The following SEC61A2 variants were observed in gnomAD, a reference collection of about 807,000 sequenced individuals.
The protein encoded by SEC61A2 is protein transport protein Sec61 subunit alpha isoform 2.
Under a neutral mutation model 59.9 loss-of-function variants are expected in SEC61A2, and 28 were observed. The ratio of observed to expected loss-of-function variants is 0.47; its 90% CI spans 0.35 to 0.64. The LOEUF is 0.64. SEC61A2 is among the 30% of genes least tolerant of loss of function. SEC61A2 has a pLI of 0.01. For synonymous variants in SEC61A2, 202 were observed against 214.4 expected, an observed-to-expected ratio of 0.94 and a Z score of 0.50; for missense variants, 340 against 585.9, an observed-to-expected ratio of 0.58 and a Z score of 4.33.
At chr10:12,133,164 G>A (rs1833801824) in intron 1 of SEC61A2, 77 bp from the exon 2 acceptor site, 1 of 722,440 alleles carries the variant, frequency 1.4e-6, no homozygotes, top group African/African-American at 1.8e-5. Flanking sequence ...GAGAATCTTT[G>A]TATTTGATTT....
chr10:12,145,026 G>T lies in SEC61A2; in HGVS notation c.220+1831G>T, dbSNP rs1444238019. Among the ~76,000 whole-genome samples the T allele has an allele frequency of 2.0e-5, 3 of 151,982 alleles. No homozygotes were observed. The highest frequency in any genetic ancestry group is 4.4e-5 in the Non-Finnish European group (3 of 67,980). ...ATCACGCCACTGCACTCTAGCCGGG[G>T]CGACACAACCAGACCCTGTCTCAAA... is the stretch of plus-strand genomic sequence containing the variant. On this transcript the variant is annotated intron_variant, in intron 4 of 11. Coordinates refer to ENST00000298428, the MANE Select transcript of SEC61A2 (RefSeq NM_018144.4). This position sits in a 1 kb window ranked among gnomAD's most constrained non-coding sequence, Gnocchi z 4.4.
chr10:12,144,343 A>G (rs1834090775), intron 4 of SEC61A2, among the ~76,000 whole-genome samples: 1 of 152,206 alleles, frequency 6.6e-6, no homozygotes, highest in South Asian at 2.1e-4. Context: ...ATATATCTAT[A>G]TACTTCTTAT....
rs1168097061 is a variant in SEC61A2 at position 12,164,704 on chromosome 10, T to C, written c.*250T>C. The C allele has an allele frequency of 3.2e-6, 4 of 1,269,154 alleles. No individual in the cohort carries two copies. In the East Asian group the frequency reaches 1.6e-4, roughly 52 times the overall value. The allele number at this position is 1,269,154 out of a possible 1,614,324, so 78.6% of individuals were successfully genotyped here. On this transcript the variant is annotated 3_prime_UTR_variant, in exon 12 of 12. Coordinates refer to ENST00000298428, the MANE Select transcript of SEC61A2 (RefSeq NM_018144.4). This position sits in a 1 kb window ranked among gnomAD's most constrained non-coding sequence, Gnocchi z 7.3. ...TGTTGCCTGTAATGCTGGAAACCAG[T>C]GTATCTACCTTGCTGTGTTAAATCA...
intron 1 of SEC61A2, among the ~76,000 whole-genome samples, chr10:12,132,569 G>A (rs571755275): frequency 6.6e-5 from 10 of 150,762 alleles, no homozygotes; most frequent in Non-Finnish European, 1.2e-4. Flanking sequence ...AGCCGAGATC[G>A]TGCCGCTGAA....
intron 4 of SEC61A2, among the ~76,000 whole-genome samples, chr10:12,144,748 G>A (rs1834100710): frequency 6.6e-6 from 1 of 152,124 alleles, no homozygotes; most frequent in African/African-American, 2.4e-5. Context: ...TGCTTGGTGT[G>A]TTCAAAGATC....
chr10:12,141,243 G>T (rs1402997507), intron 3 of SEC61A2, among the ~76,000 whole-genome samples: 2 of 152,148 alleles, frequency 1.3e-5, no homozygotes, highest in African/African-American at 2.4e-5. Context: ...GCTGCCAGGT[G>T]CACATAAAAT....
rs1192504110 is a variant in SEC61A2 at position 12,153,683 on chromosome 10, GA to G, written c.463-2094del. 6.9e-6 allele frequency: 11 copies of G among 1,584,388 alleles called. No individual in the cohort carries two copies. The Admixed American group carries it at 1.5e-4, about 21-fold the overall frequency. On this transcript the variant is annotated intron_variant, in intron 6 of 11. Coordinates refer to ENST00000298428, the MANE Select transcript of SEC61A2 (RefSeq NM_018144.4). This position sits in a 1 kb window ranked among gnomAD's most constrained non-coding sequence, Gnocchi z 5.2. ...AATTCTTCTAATGTTAATATATAAA[GA>G]GGGGTGTCATGTTTGATTGTAGGTG... is the stretch of plus-strand genomic sequence containing the variant.
intron 2 of SEC61A2, among the ~76,000 whole-genome samples, chr10:12,133,840 A>G (rs1245820277): frequency 6.6e-6 from 1 of 152,248 alleles, no homozygotes; most frequent in African/African-American, 2.4e-5. Flanking sequence ...CATCATTGCA[A>G]ACTTTCAGAG....
chr10:12,160,674 G>T lies in SEC61A2; in HGVS notation c.976-256G>T, dbSNP rs1214970011. On this transcript the variant is annotated intron_variant, in intron 9 of 11. Coordinates refer to ENST00000298428, the MANE Select transcript of SEC61A2 (RefSeq NM_018144.4). This position sits in a 1 kb window ranked among gnomAD's most constrained non-coding sequence, Gnocchi z 4.1. ...CATATTCCTATTTTCAGTAATGGAAGATTTTGTAATATATTACAATTTTTA... is the reference window on the plus strand; with the variant it reads ...CATATTCCTATTTTCAGTAATGGAATATTTTGTAATATATTACAATTTTTA... Among the ~76,000 whole-genome samples the T allele has an allele frequency of 6.6e-6, 1 of 151,172 alleles. No individual in the cohort carries two copies. Among genetic ancestry groups the T allele is most frequent in the Admixed American group, 6.6e-5 (1 of 15,126 alleles).
rs943960624 is a variant in SEC61A2, at chr10:12,143,563, C to T, written c.220+368C>T. On this transcript the variant is annotated intron_variant, in intron 4 of 11. Transcript: ENST00000298428. This position sits in a 1 kb window ranked among gnomAD's most constrained non-coding sequence, Gnocchi z 4.8. Reference sequence around the variant, plus strand: ...CAGCCTGGCCAACATGGTGAAACCCCGTCTCTACTAAAAATAGAAAAATTA... The same window carrying T: ...CAGCCTGGCCAACATGGTGAAACCCTGTCTCTACTAAAAATAGAAAAATTA... Among the ~76,000 whole-genome samples the T allele has an allele frequency of 4.6e-5, 7 of 151,994 alleles. No homozygotes were observed. Among genetic ancestry groups the T allele is most frequent in the African/African-American group, 7.3e-5 (3 of 41,378 alleles).
intron 8 of SEC61A2, 162 bp downstream of exon 8, chr10:12,157,229 A>G: frequency 1.5e-6 from 1 of 670,736 alleles, no homozygotes; most frequent in East Asian, 2.8e-5. Flanking sequence ...TAAGGTGTGA[A>G]ATATTGGAGT....
intron 3 of SEC61A2, among the ~76,000 whole-genome samples, chr10:12,137,027 A>G (rs1833905627): frequency 6.6e-6 from 1 of 152,076 alleles, no homozygotes; most frequent in Non-Finnish European, 1.5e-5. Context: ...CAGCCTCCCA[A>G]ATTGCTGGGA....
chr10:12,141,138 G>A (rs1329986545), intron 3 of SEC61A2, among the ~76,000 whole-genome samples: 2 of 152,290 alleles, frequency 1.3e-5, no homozygotes, highest in Admixed American at 6.5e-5. Flanking sequence ...AGCCTCAAGT[G>A]ATGTGCCCAC....
chr10:12,154,799 GCA>G lies in SEC61A2; in HGVS notation c.463-978_463-977del, dbSNP rs1323691197. ...TGTGGTTACTTTGGTCGCTCTTCCA[GCA>G]GGTGATATTGGATAAAGTGAGTACA... On this transcript the variant is annotated intron_variant, in intron 6 of 11. Transcript: ENST00000298428. The surrounding 1 kb of genome is among the most constrained non-coding windows in gnomAD (Gnocchi z 5.2). 5.9e-5 allele frequency among the ~76,000 whole-genome samples: 9 copies of G among 152,162 alleles called. No individual in the cohort carries two copies. Among genetic ancestry groups the G allele is most frequent in the Non-Finnish European group, 1.0e-4 (7 of 68,028 alleles).
In SEC61A2 at chr10:12,151,351, C is replaced by T. The variant is rs186649109; in HGVS notation, c.462+1390C>T. On this transcript the variant is annotated intron_variant, in intron 6 of 11. Coordinates refer to ENST00000298428, the MANE Select transcript of SEC61A2 (RefSeq NM_018144.4). ...TTTTTGAGACACAGTCTTGCTGTGT[C>T]GCCAGGCTGAAGTGCAGTGGCACGA... is the stretch of plus-strand genomic sequence containing the variant. 1.4e-3 allele frequency among the ~76,000 whole-genome samples: 203 copies of T among 144,992 alleles called. 9 individuals are homozygous for T. Among genetic ancestry groups the T allele is most frequent in the African/African-American group, 4.4e-3 (168 of 37,982 alleles).
chr10:12,156,317 G>A lies in SEC61A2; in HGVS notation c.616+386G>A, dbSNP rs1834395121. On this transcript the variant is annotated intron_variant, in intron 7 of 11. Coordinates refer to ENST00000298428, the MANE Select transcript of SEC61A2 (RefSeq NM_018144.4). This position sits in a 1 kb window ranked among gnomAD's most constrained non-coding sequence, Gnocchi z 5.2. ...CTGTTGTTCATTGAATCCACCTGGA[G>A]CACTCCTACTCTGCTGCTCTTCTAA... is the stretch of plus-strand genomic sequence containing the variant. Among the ~76,000 whole-genome samples the A allele has an allele frequency of 6.6e-6, 1 of 152,184 alleles. No homozygotes were observed. Among genetic ancestry groups the A allele is most frequent in the Non-Finnish European group, 1.5e-5 (1 of 68,034 alleles).
At chr10:12,139,495 C>T (rs1219758500) in intron 3 of SEC61A2, among the ~76,000 whole-genome samples, 1 of 151,432 alleles carries the variant, frequency 6.6e-6, no homozygotes, top group Non-Finnish European at 1.5e-5. Flanking sequence ...ACTAAAAGTA[C>T]AAAATTGAGC....
In SEC61A2 at chr10:12,160,969, G is replaced by C. The variant is rs558645074; in HGVS notation, c.1015G>C (p.Gly339Arg). ...AGGACCCGCACGTTCTTACCCAGTT[G>C]GAGGCCTTTGTTACTATCTTTCTCC... Reference protein sequence around the residue: ...GGGPARSYPVGGLCYYLSPPE... With the variant: ...GGGPARSYPVRGLCYYLSPPE... The change falls in exon 10 of 12, where the codon GGA becomes CGA. Residue 339 changes from glycine to arginine, a missense_variant. Physicochemically the swap from Gly to Arg is moderately radical, Grantham distance 125. Coordinates refer to ENST00000298428, the MANE Select transcript of SEC61A2 (RefSeq NM_018144.4). This position sits in a 1 kb window ranked among gnomAD's most constrained non-coding sequence, Gnocchi z 4.1. 6.2e-7 allele frequency: 1 copy of C among 1,614,024 alleles called. No individual in the cohort carries two copies. The highest frequency in any genetic ancestry group is 2.2e-5 in the East Asian group (1 of 44,874).
At chr10:12,130,203 A>G (rs1833699834) in intron 1 of SEC61A2, among the ~76,000 whole-genome samples, 1 of 152,206 alleles carries the variant, frequency 6.6e-6, no homozygotes, top group Non-Finnish European at 1.5e-5. Flanking sequence ...TTAATTTTAA[A>G]AAAAGTGATG....
Sources: gnomAD v4.1 joint callset for allele counts (sites outside exome capture counted in the v4.1 genomes callset) on GRCh38, gnomAD v4.1.1 for gene constraint, Gnocchi (gnomAD v3.1) non-coding constraint, MANE v1.5 for transcripts, NCBI Gene and HGNC (gene_info 2026-07-23, HGNC 2026-07-21) for gene names.